The following RIT2 variants were observed in gnomAD, a reference collection of about 807,000 sequenced individuals.
The protein encoded by RIT2 is GTP-binding protein Rit2.
A neutral mutation model predicts 23.7 loss-of-function variants in RIT2; 24 were observed. That is an observed-to-expected ratio of 1.01 (90% confidence interval 0.73 to 1.43). The LOEUF is 1.43. Among genes scored for constraint, RIT2 ranks in the 40% most tolerant of loss-of-function variants. The pLI is 0.00. For synonymous variants in RIT2, 107 were observed against 91.1 expected, an observed-to-expected ratio of 1.17 and a Z score of -0.99; for missense variants, 236 against 266.9, an observed-to-expected ratio of 0.88 and a Z score of 0.81.
intron 1 of RIT2, among the ~76,000 whole-genome samples, chr18:43,108,555 G>C (rs766765612): frequency 3.1e-4 from 47 of 152,214 alleles, no homozygotes; most frequent in Non-Finnish European, 5.6e-4. Flanking sequence ...TTACATGCTC[G>C]TTCATCTCCA....
At chr18:42,920,611 C>A in intron 4 of RIT2, 2 of 879,984 alleles carry the variant, frequency 2.3e-6, no homozygotes, top group Non-Finnish European at 3.6e-6. Context: ...AACTCGTTGT[C>A]TTTTTGTTTT....
chr18:42,930,860 T>TG (rs899837393), intron 3 of RIT2, among the ~76,000 whole-genome samples: 1 of 152,128 alleles, frequency 6.6e-6, no homozygotes, highest in Non-Finnish European at 1.5e-5. Flanking sequence ...TGGATCAGTT[T>TG]GGGGGGACAA....
rs546351645 is a variant in RIT2, at chr18:43,008,291, T to C, written c.160+25520A>G. Among the ~76,000 whole-genome samples, 33 of 151,732 alleles carry C rather than the reference T, an allele frequency of 2.2e-4. 1 individual carries two copies. Among genetic ancestry groups the C allele is most frequent in the Admixed American group, 2.2e-3 (33 of 15,204 alleles). ...CATATAGGTATACATACAATGTACATATATATAAGATTATATGTACACATA... is the reference window on the plus strand; with the variant it reads ...CATATAGGTATACATACAATGTACACATATATAAGATTATATGTACACATA... On this transcript the variant is annotated intron_variant, in intron 2 of 4. Transcript: ENST00000326695.
intron 2 of RIT2, among the ~76,000 whole-genome samples, chr18:43,018,896 A>G (rs1033134369): frequency 2.0e-5 from 3 of 151,948 alleles, no homozygotes; most frequent in Admixed American, 1.3e-4. Flanking sequence ...TAAATAAGGA[A>G]AATAAAGAGC....
intron 4 of RIT2, among the ~76,000 whole-genome samples, chr18:42,772,774 C>G (rs1455452497): frequency 1.3e-5 from 2 of 152,118 alleles, no homozygotes; most frequent in Non-Finnish European, 2.9e-5. Flanking sequence ...AAGGCCAAGC[C>G]ATGATTAAAA....
chr18:42,778,326 A>G (rs1308371099), intron 4 of RIT2, among the ~76,000 whole-genome samples: 1 of 152,186 alleles, frequency 6.6e-6, no homozygotes, highest in Non-Finnish European at 1.5e-5. Flanking sequence ...AAGAAAACAG[A>G]TCATTTTAGT....
At chr18:42,947,987 A>T (rs1909765846) in intron 3 of RIT2, among the ~76,000 whole-genome samples, 1 of 152,116 alleles carries the variant, frequency 6.6e-6, no homozygotes, top group East Asian at 1.9e-4. Flanking sequence ...GTATGTATCT[A>T]TATGGATTAG....
At chr18:42,766,680 A>G (rs1598645574) in intron 4 of RIT2, among the ~76,000 whole-genome samples, 1 of 152,214 alleles carries the variant, frequency 6.6e-6, no homozygotes, top group Admixed American at 6.5e-5. Context: ...CCATGGGGGA[A>G]AATGTCTCCA....
At chr18:42,746,942 T>C (rs1481490691) in intron 4 of RIT2, among the ~76,000 whole-genome samples, 3 of 152,042 alleles carry the variant, frequency 2.0e-5, no homozygotes, top group Non-Finnish European at 2.9e-5. Flanking sequence ...TCACAGCCGA[T>C]GTAGCACTGA....
At chr18:42,864,389 C>T (rs1008018540) in intron 4 of RIT2, among the ~76,000 whole-genome samples, 3 of 152,092 alleles carry the variant, frequency 2.0e-5, no homozygotes, top group Non-Finnish European at 1.5e-5. Flanking sequence ...TTAGTCAAGC[C>T]TTTCTGTTGT....
At chr18:42,915,577 G>A (rs1214769815) in intron 4 of RIT2, among the ~76,000 whole-genome samples, 1 of 151,922 alleles carries the variant, frequency 6.6e-6, no homozygotes, top group African/African-American at 2.4e-5. Flanking sequence ...AAACAATTCA[G>A]TGTAAGACAA....
chr18:43,061,123 T>C (rs1912634834), intron 1 of RIT2, among the ~76,000 whole-genome samples: 1 of 152,100 alleles, frequency 6.6e-6, no homozygotes, highest in Admixed American at 6.6e-5. Flanking sequence ...TGATAAATGA[T>C]CAAGACAGAA....
chr18:42,780,433 G>C (rs71352053), intron 4 of RIT2, among the ~76,000 whole-genome samples: 1 of 152,074 alleles, frequency 6.6e-6, no homozygotes, highest in Non-Finnish European at 1.5e-5. Flanking sequence ...AGGCTTCAGA[G>C]AGAATAGATG....
chr18:43,050,547 C>G (rs1158499334), intron 1 of RIT2, among the ~76,000 whole-genome samples: 1 of 151,934 alleles, frequency 6.6e-6, no homozygotes, highest in Non-Finnish European at 1.5e-5. Flanking sequence ...TTCATAACTC[C>G]CATAGTAATG....
chr18:43,060,147 C>T (rs577625649), intron 1 of RIT2, among the ~76,000 whole-genome samples: 2 of 152,170 alleles, frequency 1.3e-5, no homozygotes, highest in African/African-American at 4.8e-5. Context: ...CTAAAGCAAA[C>T]TTTAGAGAGG....
At chr18:42,756,276 G>C (rs1913161457) in intron 4 of RIT2, among the ~76,000 whole-genome samples, 1 of 152,158 alleles carries the variant, frequency 6.6e-6, no homozygotes, top group South Asian at 2.1e-4. Context: ...GTTCTGGAGA[G>C]ATATTGATTG....
chr18:43,074,203 C>G (rs1039170035), intron 1 of RIT2, among the ~76,000 whole-genome samples: 1 of 152,152 alleles, frequency 6.6e-6, no homozygotes, highest in Admixed American at 6.5e-5. Flanking sequence ...ATTAAACTCA[C>G]TTAATATTTA....
chr18:42,884,437 A>T (rs1907970059), intron 4 of RIT2, among the ~76,000 whole-genome samples: 1 of 152,208 alleles, frequency 6.6e-6, no homozygotes, highest in Non-Finnish European at 1.5e-5. Flanking sequence ...AATAATCTTA[A>T]GATCTTTCAT....
intron 2 of RIT2, among the ~76,000 whole-genome samples, chr18:42,990,912 G>GTT (rs77172671): frequency 0.23 from 30,633 of 133,004 alleles, 3,942 homozygotes; most frequent in East Asian, 0.41. Context: ...CACTGGTTTT[G>GTT]TTTTTTTTTT....
Sources: allele counts gnomAD v4.1 joint callset (sites outside exome capture counted in the v4.1 genomes callset), GRCh38; gene constraint gnomAD v4.1.1; transcripts MANE v1.5; gene names NCBI Gene and HGNC (gene_info 2026-07-23, HGNC 2026-07-21).